RBFOX1: variants seen among roughly 807,000 people sequenced by gnomAD.
The protein encoded by RBFOX1 is RNA binding fox-1 homolog 1, also known as RNA binding protein fox-1 homolog 1.
A neutral mutation model predicts 57.7 loss-of-function variants in RBFOX1; 8 were observed. That is an observed-to-expected ratio of 0.14 (90% confidence interval 0.08 to 0.25). RBFOX1 has a LOEUF of 0.25. Among genes scored for constraint, RBFOX1 ranks in the 10% least tolerant of loss-of-function variants. The probability of loss-of-function intolerance (pLI) is 1.00; values close to 1 mark genes in which losing one functional copy is unlikely to be tolerated. For synonymous variants in RBFOX1, 326 were observed against 222.4 expected (o/e 1.47, Z -4.15); for missense variants, 611 against 548.5 (o/e 1.11, Z -1.14).
intron 3 of RBFOX1, among the ~76,000 whole-genome samples, chr16:6,835,377 A>T (rs1381146660): frequency 1.3e-5 from 2 of 152,190 alleles, no homozygotes; most frequent in Non-Finnish European, 2.9e-5. Context: ...GGACAGGAAA[A>T]GATATAGGAC....
At chr16:6,250,352 A>T (rs1010867829) in intron 1 of RBFOX1, among the ~76,000 whole-genome samples, 3 of 152,180 alleles carry the variant, frequency 2.0e-5, no homozygotes, top group Non-Finnish European at 2.9e-5. Context: ...TAGAATATTA[A>T]GCGAACTACC....
At chr16:6,240,967 T>A (rs1216532310) in intron 1 of RBFOX1, among the ~76,000 whole-genome samples, 1 of 152,210 alleles carries the variant, frequency 6.6e-6, no homozygotes, top group East Asian at 1.9e-4. Flanking sequence ...CTGATGTTTT[T>A]CCCCTTTACC....
At chr16:7,009,964 A>G (rs80265615) in intron 3 of RBFOX1, among the ~76,000 whole-genome samples, 3 of 152,310 alleles carry the variant, frequency 2.0e-5, no homozygotes, top group East Asian at 1.9e-4. Context: ...GTCCAAAGCT[A>G]TATTGGGAGG....
chr16:7,020,447 C>G (rs2038660603), intron 3 of RBFOX1, among the ~76,000 whole-genome samples: 1 of 152,220 alleles, frequency 6.6e-6, no homozygotes, highest in African/African-American at 2.4e-5. Flanking sequence ...TCTTGAACTC[C>G]TGATCTTGTC....
chr16:7,579,804 G>A lies in RBFOX1; in HGVS notation c.298G>A (p.Gly100Ser). ...GACAGATGACGCAGCACCGACGGAT[G>A]GCCAGCCCCAGACACAACCTTCTGA... ...TQTDDAAPTD[G>S]QPQTQPSENT... is the part of the protein sequence containing the mutation. The change falls in exon 6 of 16, where the codon GGC becomes AGC. Residue 100 changes from glycine (G) to serine (S), a missense_variant. Gly to Ser is a moderately conservative substitution (Grantham distance 56). Coordinates refer to ENST00000550418, the MANE Select transcript of RBFOX1 (RefSeq NM_018723.4). 1 of 1,614,048 alleles carries A rather than the reference G, an allele frequency of 6.2e-7. No homozygotes were observed. Among genetic ancestry groups the A allele is most frequent in the Non-Finnish European group, 8.5e-7 (1 of 1,179,972 alleles).
At chr16:6,164,375 A>G (rs17139494) in intron 1 of RBFOX1, among the ~76,000 whole-genome samples, 5,055 of 151,974 alleles carry the variant, frequency 0.033, 113 homozygotes, top group African/African-American at 0.062. Flanking sequence ...TTGCATACCT[A>G]TTTGTATCCT....
chr16:6,589,096 T>C (rs1278591738), intron 2 of RBFOX1, among the ~76,000 whole-genome samples: 1 of 57,808 alleles, frequency 1.7e-5, no homozygotes, highest in Admixed American at 2.9e-4. Context: ...TCATTCCATC[T>C]ATATTACAAA....
At chr16:7,044,177 A>T (rs917535245) in intron 3 of RBFOX1, among the ~76,000 whole-genome samples, 1 of 152,116 alleles carries the variant, frequency 6.6e-6, no homozygotes, top group African/African-American at 2.4e-5. Context: ...GTATATGTGC[A>T]TGTGTGGGTA....
chr16:7,341,567 G>A (rs1156691182), intron 4 of RBFOX1, among the ~76,000 whole-genome samples: 4 of 152,086 alleles, frequency 2.6e-5, no homozygotes, highest in Non-Finnish European at 5.9e-5. Flanking sequence ...TCAGTATGAC[G>A]TCTTCATTGC....
At chr16:7,147,907 G>A (rs966102386) in intron 4 of RBFOX1, among the ~76,000 whole-genome samples, 23 of 152,188 alleles carry the variant, frequency 1.5e-4, no homozygotes, top group Admixed American at 1.2e-3. Context: ...GCTTTCGCCA[G>A]GGGCTGAACT....
chr16:7,258,787 C>T (rs1567926957), intron 4 of RBFOX1, among the ~76,000 whole-genome samples: 2 of 152,040 alleles, frequency 1.3e-5, no homozygotes, highest in South Asian at 2.1e-4. Context: ...GATTTTGAAC[C>T]GAGAAAGGGT....
At chr16:5,812,240 C>T (rs148928532) in intron 3 of RBFOX1, among the ~76,000 whole-genome samples, 2,157 of 152,202 alleles carry the variant, frequency 0.014, 44 homozygotes, top group African/African-American at 0.048. Flanking sequence ...ACAAATAATG[C>T]GGATATGAAC....
At chr16:5,990,841 G>A (rs1421594241) in intron 4 of RBFOX1, among the ~76,000 whole-genome samples, 1 of 152,128 alleles carries the variant, frequency 6.6e-6, no homozygotes, top group African/African-American at 2.4e-5. Flanking sequence ...GGGTGTGGTG[G>A]TGCACGCCTG....
chr16:7,573,271 C>A (rs2092978829), intron 5 of RBFOX1, among the ~76,000 whole-genome samples: 1 of 152,084 alleles, frequency 6.6e-6, no homozygotes, highest in African/African-American at 2.4e-5. Context: ...CAACAAGCGA[C>A]AATGGGAGAC....
chr16:7,135,774 C>T (rs569073454), intron 4 of RBFOX1, among the ~76,000 whole-genome samples: 2 of 152,260 alleles, frequency 1.3e-5, no homozygotes, highest in Non-Finnish European at 2.9e-5. Flanking sequence ...TTCAATTAAC[C>T]ACATGTAATT....
At chr16:7,284,550 C>T (rs145595509) in intron 4 of RBFOX1, among the ~76,000 whole-genome samples, 110 of 151,950 alleles carry the variant, frequency 7.2e-4, no homozygotes, top group African/African-American at 2.4e-3. Flanking sequence ...AGATTGATCT[C>T]GATCTCCTGG....
chr16:5,704,352 C>T (rs1193106306), intron 3 of RBFOX1, among the ~76,000 whole-genome samples: 1 of 151,978 alleles, frequency 6.6e-6, no homozygotes, highest in African/African-American at 2.4e-5. Flanking sequence ...GCTTATCTCT[C>T]AGAGAAGAGT....
At chr16:7,631,423 A>T (rs954733239) in intron 11 of RBFOX1, among the ~76,000 whole-genome samples, 1 of 151,980 alleles carries the variant, frequency 6.6e-6, no homozygotes, top group Non-Finnish European at 1.5e-5. Flanking sequence ...CCCTATCCTC[A>T]CCCCAATTCC....
intron 2 of RBFOX1, among the ~76,000 whole-genome samples, chr16:6,518,783 C>G (rs1270870497): frequency 3.8e-5 from 3 of 78,210 alleles, no homozygotes; most frequent in African/African-American, 1.2e-4. Context: ...ATCTGTCTGT[C>G]TGTCTGTGTG....
Sources: allele counts gnomAD v4.1 joint callset (sites outside exome capture counted in the v4.1 genomes callset), GRCh38; gene constraint gnomAD v4.1.1; transcripts MANE v1.5; gene names NCBI Gene and HGNC (gene_info 2026-07-23, HGNC 2026-07-21).